Variants in POFUT3 observed in about 807,000 individuals in gnomAD.
POFUT3 encodes protein O-fucosyltransferase 3, also known as GDP-fucose protein O-fucosyltransferase 3.
the POFUT3 span, among the ~76,000 whole-genome samples, chr8:33,398,654 C>A: frequency 6.6e-6 from 1 of 152,148 alleles, no homozygotes; most frequent in South Asian, 2.1e-4. Context: ...ATCTGTACAA[C>A]AACCCCCTGT....
At chr8:33,449,888 T>C in the POFUT3 span, among the ~76,000 whole-genome samples, 1 of 151,612 alleles carries the variant, frequency 6.6e-6, no homozygotes, top group African/African-American at 2.4e-5. Context: ...AAGGCCCACT[T>C]CAAATTCAAA....
chr8:33,341,917 G>A, the POFUT3 span, among the ~76,000 whole-genome samples: 3 of 152,054 alleles, frequency 2.0e-5, no homozygotes, highest in Non-Finnish European at 4.4e-5. Context: ...AAAAGCCTGG[G>A]CATGGTGGCT....
the POFUT3 span, chr8:33,389,796 T>C: frequency 1.9e-6 from 3 of 1,597,802 alleles, no homozygotes; most frequent in South Asian, 3.3e-5. Flanking sequence ...TTAAAGTCAG[T>C]ACCTAGGAGA....
chr8:33,319,666 T>TTA, the POFUT3 span, among the ~76,000 whole-genome samples: 1 of 21,688 alleles, frequency 4.6e-5, no homozygotes, highest in Non-Finnish European at 7.8e-5. Context: ...TATATATATT[T>TTA]TATATATATT....
At chr8:33,336,419 TTGTTTTTAATATTATTTATTTGATTG>T in the POFUT3 span, among the ~76,000 whole-genome samples, 1 of 152,228 alleles carries the variant, frequency 6.6e-6, no homozygotes, top group African/African-American at 2.4e-5. Flanking sequence ...TTTTTAACCT[TTGTTTTTAATATTATTTATTTGATTG>T]TAAGTTTATG....
the POFUT3 span, among the ~76,000 whole-genome samples, chr8:33,380,153 T>C: frequency 1.8e-5 from 1 of 54,134 alleles, no homozygotes; most frequent in Non-Finnish European, 2.8e-5. Flanking sequence ...ATATACACTA[T>C]ATATATATAC....
chr8:33,465,772 G>A, the POFUT3 span, among the ~76,000 whole-genome samples: 9 of 152,102 alleles, frequency 5.9e-5, no homozygotes, highest in South Asian at 1.7e-3. Flanking sequence ...CACTGCACCC[G>A]GCCACAGGAT....
At chr8:33,463,007 C>T in the POFUT3 span, among the ~76,000 whole-genome samples, 4 of 151,860 alleles carry the variant, frequency 2.6e-5, no homozygotes, top group Non-Finnish European at 5.9e-5. Flanking sequence ...ACTTCAATGT[C>T]CTGGGCAAAT....
At chr8:33,388,469 T>C in the POFUT3 span, among the ~76,000 whole-genome samples, 1 of 151,418 alleles carries the variant, frequency 6.6e-6, no homozygotes, top group Non-Finnish European at 1.5e-5. Flanking sequence ...CTCGAGTAGC[T>C]GGGATTACAA....
chr8:33,317,973 G>C, the POFUT3 span, among the ~76,000 whole-genome samples: 2,699 of 152,040 alleles, frequency 0.018, 79 homozygotes, highest in African/African-American at 0.062. Context: ...TATCCCTTTT[G>C]TGCAATATAC....
At chr8:33,343,102 C>T in the POFUT3 span, among the ~76,000 whole-genome samples, 841 of 146,228 alleles carry the variant, frequency 5.8e-3, 8 homozygotes, top group African/African-American at 0.019. Context: ...CAGAGCAAGA[C>T]TCCGTCTAAG....
chr8:33,426,306 T>C, the POFUT3 span, among the ~76,000 whole-genome samples: 2 of 152,192 alleles, frequency 1.3e-5, no homozygotes, highest in African/African-American at 2.4e-5. Flanking sequence ...TAGGAAAATG[T>C]AAAGTAGTGA....
At chr8:33,322,850 G>T in the POFUT3 span, among the ~76,000 whole-genome samples, 2 of 152,152 alleles carry the variant, frequency 1.3e-5, no homozygotes, top group Non-Finnish European at 2.9e-5. Flanking sequence ...GACATGCTTG[G>T]CAAGGGAGGT....
At chr8:33,344,892 CTAAAGG>C in the POFUT3 span, among the ~76,000 whole-genome samples, 1 of 152,122 alleles carries the variant, frequency 6.6e-6, no homozygotes, top group African/African-American at 2.4e-5. Flanking sequence ...TCACTTGTGC[CTAAAGG>C]TAATTTCATT....
At chr8:33,399,331 C>G in the POFUT3 span, among the ~76,000 whole-genome samples, 1 of 152,138 alleles carries the variant, frequency 6.6e-6, no homozygotes, top group Non-Finnish European at 1.5e-5. Context: ...CAATTATTAA[C>G]TCAGGGCAAA....
At chr8:33,355,290 C>T in the POFUT3 span, among the ~76,000 whole-genome samples, 36 of 152,266 alleles carry the variant, frequency 2.4e-4, no homozygotes, top group African/African-American at 8.7e-4. Flanking sequence ...CAGAGGCTCC[C>T]TTCCACTTGT....
At chr8:33,332,090 C>G in the POFUT3 span, among the ~76,000 whole-genome samples, 1 of 150,320 alleles carries the variant, frequency 6.7e-6, no homozygotes, top group African/African-American at 2.4e-5. Flanking sequence ...CTGCAGTGAG[C>G]TATGATCAAG....
chr8:33,343,895 G>C, the POFUT3 span, among the ~76,000 whole-genome samples: 1 of 152,208 alleles, frequency 6.6e-6, no homozygotes, highest in Non-Finnish European at 1.5e-5. Flanking sequence ...TCATATGGCA[G>C]AAAGTGGTAG....
chr8:33,439,272 G>T, the POFUT3 span, among the ~76,000 whole-genome samples: 61 of 152,142 alleles, frequency 4.0e-4, no homozygotes, highest in African/African-American at 1.4e-3. Flanking sequence ...GCATGGTGGC[G>T]TGTGCCTGTA....
Sources: allele counts gnomAD v4.1 joint callset (sites outside exome capture counted in the v4.1 genomes callset), GRCh38; gene constraint gnomAD v4.1.1; transcripts MANE v1.5; gene names NCBI Gene and HGNC (gene_info 2026-07-23, HGNC 2026-07-21).